Variants in KCNH5 observed in about 807,000 individuals in gnomAD.
The protein encoded by KCNH5 is voltage-gated delayed rectifier potassium channel KCNH5.
A neutral mutation model predicts 96.1 loss-of-function variants in KCNH5; 46 were observed. That is an observed-to-expected ratio of 0.48 (90% CI 0.38 to 0.61). The LOEUF is 0.61. KCNH5 is among the 20% of genes least tolerant of loss of function. The pLI, the probability that KCNH5 is intolerant of heterozygous loss-of-function variation, is 0.00. For synonymous variants in KCNH5, 439 were observed against 449.8 expected (o/e 0.98, Z 0.30); for missense variants, 907 against 1,225.8 (o/e 0.74, Z 3.88).
At chr14:62,976,833 G>C (rs537328864) in intron 6 of KCNH5, among the ~76,000 whole-genome samples, 47 of 152,144 alleles carry the variant, frequency 3.1e-4, no homozygotes, top group African/African-American at 1.0e-3. Context: ...TATCAATCAG[G>C]TGAAAGAGTA....
chr14:62,910,049 T>C (rs1889119676), intron 7 of KCNH5, among the ~76,000 whole-genome samples: 5 of 152,008 alleles, frequency 3.3e-5, no homozygotes, highest in Admixed American at 3.3e-4. Flanking sequence ...CCAGTTCCTG[T>C]AGGCACTTGA....
chr14:62,955,260 G>T (rs1296774910), intron 6 of KCNH5, among the ~76,000 whole-genome samples: 2 of 152,122 alleles, frequency 1.3e-5, no homozygotes, highest in Non-Finnish European at 2.9e-5. Flanking sequence ...GAGCTACAGG[G>T]ATAGAAGGAT....
intron 2 of KCNH5, among the ~76,000 whole-genome samples, chr14:63,014,271 T>G (rs1891282549): frequency 6.6e-6 from 1 of 151,578 alleles, no homozygotes. Flanking sequence ...GAAATAACAG[T>G]ATGCTATCCA....
chr14:62,736,351 G>A (rs1441642912), intron 10 of KCNH5, among the ~76,000 whole-genome samples: 3 of 151,962 alleles, frequency 2.0e-5, no homozygotes, highest in East Asian at 3.9e-4. Flanking sequence ...TGACAGAGGA[G>A]GAGCATTGCT....
At chr14:62,868,858 AC>A (rs1446434512) in intron 7 of KCNH5, among the ~76,000 whole-genome samples, 12 of 152,202 alleles carry the variant, frequency 7.9e-5, no homozygotes, top group African/African-American at 2.9e-4. Context: ...CCTGCAAAGG[AC>A]ATGAACTCAT....
At chr14:62,889,353 C>T (rs1244485587) in intron 7 of KCNH5, among the ~76,000 whole-genome samples, 6 of 152,124 alleles carry the variant, frequency 3.9e-5, no homozygotes, top group African/African-American at 1.4e-4. Flanking sequence ...AGCTTACATC[C>T]CAGCAGAGCA....
chr14:62,851,508 A>AAG (rs1555360013), intron 7 of KCNH5, among the ~76,000 whole-genome samples: 1 of 137,326 alleles, frequency 7.3e-6, no homozygotes, highest in African/African-American at 2.5e-5. Flanking sequence ...TAAAAAAAAA[A>AAG]AAAAAAACCT....
intron 7 of KCNH5, among the ~76,000 whole-genome samples, chr14:62,906,940 A>T (rs894698456): frequency 1.3e-5 from 2 of 152,202 alleles, no homozygotes; most frequent in African/African-American, 4.8e-5. Context: ...TAAAAAATGT[A>T]TCCTGCAATG....
chr14:63,025,935 A>C (rs1293905742), intron 1 of KCNH5, among the ~76,000 whole-genome samples: 2 of 152,130 alleles, frequency 1.3e-5, no homozygotes, highest in African/African-American at 4.8e-5. Flanking sequence ...GAACAAAGCC[A>C]GAGTCATTAT....
At chr14:62,741,340 C>T (rs1051216555) in intron 10 of KCNH5, among the ~76,000 whole-genome samples, 1 of 152,112 alleles carries the variant, frequency 6.6e-6, no homozygotes, top group Admixed American at 6.6e-5. Flanking sequence ...AGGGAAATCT[C>T]GTGATATTGC....
At chr14:62,839,109 A>C (rs10137317) in intron 8 of KCNH5, among the ~76,000 whole-genome samples, 16,380 of 152,218 alleles carry the variant, frequency 0.11, 1,113 homozygotes, top group East Asian at 0.29. Context: ...TAATACAGAC[A>C]TAGAATAGAC....
chr14:62,737,169 T>G (rs1274198657), intron 10 of KCNH5, among the ~76,000 whole-genome samples: 1 of 152,186 alleles, frequency 6.6e-6, no homozygotes, highest in Non-Finnish European at 1.5e-5. Context: ...TCTCATTATC[T>G]TCAAATAGAT....
chr14:62,903,562 T>G (rs556503158), intron 7 of KCNH5, among the ~76,000 whole-genome samples: 31 of 152,272 alleles, frequency 2.0e-4, no homozygotes, highest in African/African-American at 7.0e-4. Flanking sequence ...ATATGTAAGG[T>G]CCTCTTCAGT....
Position 62,913,459 on chromosome 14 carries a change from T to C in KCNH5, c.1369+36674A>G, listed in dbSNP as rs145696605. 6.1e-4 allele frequency among the ~76,000 whole-genome samples: 91 copies of C among 149,080 alleles called. 1 individual carries two copies. The highest frequency in any genetic ancestry group is 2.3e-3 in the African/African-American group (87 of 38,592). ...TCCAGGCTGGTCTCAAACTCCTGAC[T>C]TCATGATCCACCTGCCTTGGCCTCC... On this transcript the variant is annotated intron_variant, in intron 7 of 10. Transcript: ENST00000322893.
intron 7 of KCNH5, among the ~76,000 whole-genome samples, chr14:62,859,613 A>G (rs1477261429): frequency 6.6e-6 from 1 of 152,208 alleles, no homozygotes; most frequent in African/African-American, 2.4e-5. Flanking sequence ...CTGACCATCC[A>G]GCCAAACCAC....
At chr14:62,973,796 C>T (rs899335276) in intron 6 of KCNH5, among the ~76,000 whole-genome samples, 1 of 152,138 alleles carries the variant, frequency 6.6e-6, no homozygotes, top group Admixed American at 6.5e-5. Flanking sequence ...TATCTATACA[C>T]TTTAATGAAA....
intron 7 of KCNH5, among the ~76,000 whole-genome samples, chr14:62,892,910 T>C (rs893279306): frequency 1.3e-5 from 2 of 152,178 alleles, no homozygotes; most frequent in Non-Finnish European, 2.9e-5. Context: ...ATGCACCTGG[T>C]CACCTAAGAG....
intron 2 of KCNH5, 133 bp from the exon 3 acceptor site, chr14:63,006,605 A>C (rs1476890355): frequency 3.4e-6 from 2 of 589,926 alleles, no homozygotes; most frequent in African/African-American, 3.7e-5. Flanking sequence ...CAGAATAGTC[A>C]AATCATGAGA....
chr14:62,918,560 C>G (rs372065727), intron 7 of KCNH5, among the ~76,000 whole-genome samples: 2 of 151,962 alleles, frequency 1.3e-5, no homozygotes, highest in African/African-American at 2.4e-5. Flanking sequence ...CTAATAAAAA[C>G]AATGGATAGA....
Sources: gnomAD v4.1 joint callset for allele counts (sites outside exome capture counted in the v4.1 genomes callset) on GRCh38, gnomAD v4.1.1 for gene constraint, MANE v1.5 for transcripts, NCBI Gene and HGNC (gene_info 2026-07-23, HGNC 2026-07-21) for gene names.